Variants in WNT7B observed in about 807,000 individuals in gnomAD.
WNT7B encodes protein Wnt-7b.
WNT7B carries 19 observed loss-of-function variants against 38.2 expected under a neutral mutation model. The ratio of observed to expected loss-of-function variants is 0.50; its 90% CI spans 0.35 to 0.73. WNT7B has a LOEUF of 0.73. Ranked by LOEUF, WNT7B falls within the 30% of genes least tolerant of loss-of-function variation. The pLI, the probability that WNT7B is intolerant of heterozygous loss-of-function variation, is 0.01. For synonymous variants in WNT7B, 243 were observed against 209.3 expected (o/e 1.16, Z -1.39); for missense variants, 423 against 507.9 (o/e 0.83, Z 1.61).
chr22:45,969,086 TCTC>T (rs1251016329), intron 1 of WNT7B, among the ~76,000 whole-genome samples: 1 of 152,144 alleles, frequency 6.6e-6, no homozygotes, highest in Non-Finnish European at 1.5e-5. Flanking sequence ...GCCTGGTTCA[TCTC>T]CTCCCCCTCG....
chr22:45,950,807 GAA>G (rs1375933524), intron 1 of WNT7B, among the ~76,000 whole-genome samples: 1 of 152,248 alleles, frequency 6.6e-6, no homozygotes, highest in Non-Finnish European at 1.5e-5. Context: ...CCCGCACCGG[GAA>G]TGGTGGCTGT....
intron 1 of WNT7B, chr22:45,954,829 A>C: frequency 1.1e-6 from 1 of 887,286 alleles, no homozygotes; most frequent in South Asian, 5.2e-5. Context: ...GGGACCTCAG[A>C]CCTCACCTAT....
At position 45,963,762 on chromosome 22, in the gene WNT7B, G is replaced by A. The variant is rs536887479; in HGVS notation, c.71+12922C>T. Among the ~76,000 whole-genome samples, 390 of 152,284 alleles carry A rather than the reference G, an allele frequency of 2.6e-3. 2 individuals carry two copies. The highest frequency in any genetic ancestry group is 0.017 in the Middle Eastern group (5 of 294). ...GGCTCTGGGCTCACAGTCAGAGCTGGCTGCAAAGCCTGGCTCTCCCCAGAC... is the reference window on the plus strand; with the variant it reads ...GGCTCTGGGCTCACAGTCAGAGCTGACTGCAAAGCCTGGCTCTCCCCAGAC... On this transcript the variant is annotated intron_variant, in intron 1 of 3. Coordinates refer to ENST00000339464, the MANE Select transcript of WNT7B (RefSeq NM_058238.3).
intron 1 of WNT7B, chr22:45,954,814 C>T: frequency 2.1e-6 from 2 of 959,790 alleles, no homozygotes; most frequent in South Asian, 4.8e-5. Context: ...TAACTCTGGG[C>T]CGTTGGGACC....
intron 3 of WNT7B, chr22:45,925,884 ACGTG>A: frequency 2.0e-6 from 2 of 985,346 alleles, no homozygotes; most frequent in Non-Finnish European, 2.4e-6. Context: ...TGTGCAGGCC[ACGTG>A]GTCTAGGCCC....
At position 45,975,470 on chromosome 22, in the gene WNT7B, A is replaced by T; in HGVS notation, c.71+1214T>A. The T allele has an allele frequency of 1.4e-6, 1 of 708,038 alleles. No homozygotes were observed. The highest frequency in any genetic ancestry group is 2.6e-6 in the Non-Finnish European group (1 of 379,706). 43.9% of individuals were successfully genotyped at this position (708,038 alleles called of 1,614,324 possible). A position where few individuals can be genotyped will look rare whatever the true frequency, so the allele number is the denominator to read the frequency against. On this transcript the variant is annotated intron_variant, in intron 1 of 3. Transcript: ENST00000339464. The surrounding 1 kb of genome is among the most constrained non-coding windows in gnomAD (Gnocchi z 6.6). Reference sequence around the variant, plus strand: ...CGCCCAGACCTGCAGGGCTCAGGCTAGGACGGGGGCTTCCAGTCCTGCCTC... The same window carrying T: ...CGCCCAGACCTGCAGGGCTCAGGCTTGGACGGGGGCTTCCAGTCCTGCCTC...
At chr22:45,953,783 T>C (rs1329208475) in intron 1 of WNT7B, among the ~76,000 whole-genome samples, 1 of 150,622 alleles carries the variant, frequency 6.6e-6, no homozygotes, top group African/African-American at 2.4e-5. Context: ...GCCAAGGATG[T>C]GGAGAAATTG....
At chr22:45,944,830 G>A (rs1263885999) in intron 2 of WNT7B, among the ~76,000 whole-genome samples, 2 of 152,182 alleles carry the variant, frequency 1.3e-5, no homozygotes, top group African/African-American at 4.8e-5. Flanking sequence ...CGCGCTGACT[G>A]TCCTCCGAAA....
intron 1 of WNT7B, among the ~76,000 whole-genome samples, chr22:45,956,872 C>T (rs527372265): frequency 1.3e-4 from 20 of 152,274 alleles, no homozygotes; most frequent in Non-Finnish European, 1.0e-4. Context: ...CTTTGGGAGG[C>T]TGAGATGGGT....
At chr22:45,936,500 C>T (rs959244096) in intron 2 of WNT7B, among the ~76,000 whole-genome samples, 3 of 152,250 alleles carry the variant, frequency 2.0e-5, no homozygotes, top group African/African-American at 7.2e-5. Context: ...TATCAGAGTC[C>T]TCAGAGACAT....
chr22:45,923,453 C>T, intron 3 of WNT7B, 118 bp from the exon 4 acceptor site: 3 of 1,410,516 alleles, frequency 2.1e-6, no homozygotes, highest in Non-Finnish European at 2.8e-6. Flanking sequence ...GGCTGTGTGA[C>T]CACAGGTGAG....
chr22:45,963,192 G>A (rs1193448327), intron 1 of WNT7B, among the ~76,000 whole-genome samples: 1 of 152,154 alleles, frequency 6.6e-6, no homozygotes, highest in African/African-American at 2.4e-5. Context: ...GCCCCACACA[G>A]GTCATCTGCA....
intron 2 of WNT7B, among the ~76,000 whole-genome samples, chr22:45,942,414 A>G (rs1286500653): frequency 3.3e-5 from 5 of 152,204 alleles, no homozygotes; most frequent in Non-Finnish European, 5.9e-5. Context: ...TGGGATCTGC[A>G]TCCCTGACAC....
At chr22:45,938,003 C>G (rs951441784) in intron 2 of WNT7B, among the ~76,000 whole-genome samples, 1 of 150,462 alleles carries the variant, frequency 6.6e-6, no homozygotes, top group Non-Finnish European at 1.5e-5. Context: ...AGCGAGACTC[C>G]GTCTAAAAAA....
At chr22:45,962,595 C>T (rs979637251) in intron 1 of WNT7B, among the ~76,000 whole-genome samples, 4 of 152,248 alleles carry the variant, frequency 2.6e-5, no homozygotes, top group Non-Finnish European at 5.9e-5. Context: ...GTGCTGGGCT[C>T]CTGAGGAAGC....
intron 3 of WNT7B, among the ~76,000 whole-genome samples, chr22:45,927,820 C>T (rs376670738): frequency 4.1e-4 from 62 of 152,288 alleles, no homozygotes; most frequent in African/African-American, 1.4e-3. Flanking sequence ...TGCTTGAACC[C>T]GGAAGGCAGA....
chr22:45,953,064 G>T (rs914488529), intron 1 of WNT7B, among the ~76,000 whole-genome samples: 1 of 152,192 alleles, frequency 6.6e-6, no homozygotes, highest in African/African-American at 2.4e-5. Flanking sequence ...GCACTGAGGG[G>T]GAGCGCGGTG....
At position 45,926,306 on chromosome 22, in the gene WNT7B, C is replaced by T. The variant is rs967774568; in HGVS notation, c.571-2971G>A. 4.1e-6 allele frequency: 4 copies of T among 985,322 alleles called. No individual in the cohort carries two copies. In the African/African-American group the frequency reaches 7.0e-5, roughly 17 times the overall value. The allele number at this position is 985,322 out of a possible 1,614,324, so 61.0% of individuals were successfully genotyped here. A position where few individuals can be genotyped will look rare whatever the true frequency, so the allele number is the denominator to read the frequency against. On this transcript the variant is annotated intron_variant, in intron 3 of 3. Coordinates refer to ENST00000339464, the MANE Select transcript of WNT7B (RefSeq NM_058238.3). ...ACCACCTGGCAGGGCACAGAGTGAG[C>T]TCATCTTGCTCAGGGGAGCTGCAGG...
intron 2 of WNT7B, among the ~76,000 whole-genome samples, chr22:45,938,211 C>T (rs542547024): frequency 6.6e-6 from 1 of 152,126 alleles, no homozygotes; most frequent in Non-Finnish European, 1.5e-5. Context: ...AAGCCAGGCA[C>T]AGAGAGACAA....
Sources: allele counts gnomAD v4.1 joint callset (sites outside exome capture counted in the v4.1 genomes callset), GRCh38; gene constraint gnomAD v4.1.1; non-coding constraint Gnocchi (gnomAD v3.1); transcripts MANE v1.5; gene names NCBI Gene and HGNC (gene_info 2026-07-23, HGNC 2026-07-21).